RELN: variants seen among roughly 807,000 people sequenced by gnomAD.
The protein encoded by RELN is reelin.
A neutral mutation model predicts 427.6 loss-of-function variants in RELN; 108 were observed. That is an observed-to-expected ratio of 0.25 (90% CI 0.22 to 0.30). RELN has a LOEUF of 0.30. RELN is among the 10% of genes least tolerant of loss of function. RELN has a pLI of 1.00. For missense variants in RELN, 3,715 were observed against 4,302.8 expected (o/e 0.86, Z 3.82); for synonymous variants, 1,524 against 1,513.4 (o/e 1.01, Z -0.16).
At chr7:103,865,739 G>A (rs1794182857) in intron 2 of RELN, among the ~76,000 whole-genome samples, 1 of 152,022 alleles carries the variant, frequency 6.6e-6, no homozygotes, top group South Asian at 2.1e-4. Context: ...CGTACAGAAG[G>A]AATTTACCTC....
chr7:103,816,262 C>T (rs1584263560), intron 3 of RELN, among the ~76,000 whole-genome samples: 2 of 152,072 alleles, frequency 1.3e-5, no homozygotes, highest in Admixed American at 6.6e-5. Context: ...ACCTGTAATC[C>T]CAGCTACTCA....
At chr7:103,683,300 T>C (rs776515208) in intron 10 of RELN, among the ~76,000 whole-genome samples, 3 of 152,180 alleles carry the variant, frequency 2.0e-5, no homozygotes, top group African/African-American at 7.2e-5. Context: ...GTGCCTGGCA[T>C]ATAGCAGGCA....
Position 103,500,733 on chromosome 7 carries a change from C to CTTTA in RELN, c.8667+8_8667+11dup. ...TGTGAGTAATGCGTCTTGTCCAGGG[C>CTTTA]TTTACCCTTACCTTCAGAGTGTGGG... On this transcript the variant is annotated intron_variant, in intron 53 of 64. Transcript: ENST00000428762. 1 of 1,613,502 alleles carries CTTTA rather than the reference C, an allele frequency of 6.2e-7. No homozygotes were observed.
intron 3 of RELN, among the ~76,000 whole-genome samples, chr7:103,792,440 T>C (rs1483061859): frequency 6.6e-6 from 1 of 151,716 alleles, no homozygotes; most frequent in Non-Finnish European, 1.5e-5. Context: ...ACCTTGAAAA[T>C]ATGCAAAGTG....
At chr7:103,914,412 T>A (rs926149957) in intron 2 of RELN, among the ~76,000 whole-genome samples, 9 of 152,088 alleles carry the variant, frequency 5.9e-5, no homozygotes, top group Admixed American at 3.3e-4. Context: ...CCTCAAGTCA[T>A]CTCAACCTAT....
intron 8 of RELN, among the ~76,000 whole-genome samples, chr7:103,715,049 T>A (rs756841822): frequency 6.6e-6 from 1 of 152,200 alleles, no homozygotes; most frequent in Admixed American, 6.5e-5. Context: ...AATTAAACAA[T>A]TATTTGGATA....
At chr7:103,489,093 A>T (rs1210351219) in intron 60 of RELN, among the ~76,000 whole-genome samples, 2 of 152,212 alleles carry the variant, frequency 1.3e-5, no homozygotes, top group African/African-American at 2.4e-5. Context: ...ACAGACCAAC[A>T]GAGCAATTTC....
At chr7:103,630,466 TG>T (rs1245453605) in intron 19 of RELN, among the ~76,000 whole-genome samples, 2 of 152,190 alleles carry the variant, frequency 1.3e-5, no homozygotes, top group African/African-American at 2.4e-5. Context: ...TTGGACAGCT[TG>T]TTACACATAT....
chr7:103,974,984 A>G (rs982102078), intron 1 of RELN, among the ~76,000 whole-genome samples: 15 of 152,310 alleles, frequency 9.8e-5, no homozygotes, highest in Admixed American at 9.8e-4. Flanking sequence ...GCTAACATAT[A>G]GTTAAAGTAA....
At chr7:103,731,446 TACAA>T (rs1790351601) in intron 6 of RELN, among the ~76,000 whole-genome samples, 1 of 152,092 alleles carries the variant, frequency 6.6e-6, no homozygotes, top group Non-Finnish European at 1.5e-5. Flanking sequence ...ACAGAAGCTC[TACAA>T]ACAATGCCCC....
At chr7:103,867,191 T>G (rs1372990793) in intron 2 of RELN, among the ~76,000 whole-genome samples, 1 of 150,406 alleles carries the variant, frequency 6.6e-6, no homozygotes, top group East Asian at 2.0e-4. Context: ...GTGTGGATCT[T>G]GTTACAAAGT....
chr7:103,859,285 T>C (rs1046036206), intron 2 of RELN, among the ~76,000 whole-genome samples: 4 of 152,298 alleles, frequency 2.6e-5, no homozygotes, highest in African/African-American at 9.6e-5. Context: ...AAAGGTTTCA[T>C]ATTTATTTTA....
At chr7:103,853,048 C>A (rs560556571) in intron 2 of RELN, among the ~76,000 whole-genome samples, 2 of 152,094 alleles carry the variant, frequency 1.3e-5, no homozygotes, top group Non-Finnish European at 2.9e-5. Flanking sequence ...TAATTTGGAT[C>A]AGAAAACTGA....
chr7:103,820,031 A>AT (rs1792975553), intron 3 of RELN, among the ~76,000 whole-genome samples: 1 of 152,018 alleles, frequency 6.6e-6, no homozygotes, highest in Admixed American at 6.6e-5. Context: ...CATTTACAAA[A>AT]TATACAATAA....
intron 11 of RELN, among the ~76,000 whole-genome samples, chr7:103,675,421 A>C (rs1480503722): frequency 4.6e-5 from 7 of 152,224 alleles, no homozygotes; most frequent in Non-Finnish European, 1.0e-4. Context: ...TTCCATGCTC[A>C]TGGATAGGAA....
intron 46 of RELN, among the ~76,000 whole-genome samples, chr7:103,526,812 C>A (rs1829831852): frequency 6.6e-6 from 1 of 152,112 alleles, no homozygotes; most frequent in Non-Finnish European, 1.5e-5. Context: ...TTACCAAGAA[C>A]TACGAGTGTC....
At chr7:103,601,672 G>T (rs940414064) in intron 24 of RELN, among the ~76,000 whole-genome samples, 1 of 152,158 alleles carries the variant, frequency 6.6e-6, no homozygotes, top group Non-Finnish European at 1.5e-5. Context: ...TACTGGACCT[G>T]CTGTCTTTTT....
At chr7:103,746,277 T>G (rs1316741542) in intron 6 of RELN, among the ~76,000 whole-genome samples, 1 of 152,212 alleles carries the variant, frequency 6.6e-6, no homozygotes, top group Non-Finnish European at 1.5e-5. Flanking sequence ...CAAGATGGAT[T>G]AAAGACTTAA....
chr7:103,909,811 ATAT>A (rs1795320349), intron 2 of RELN, among the ~76,000 whole-genome samples: 3 of 49,226 alleles, frequency 6.1e-5, no homozygotes, highest in Non-Finnish European at 1.0e-4. Context: ...TTAATATATA[ATAT>A]TATATATAAA....
Sources: gnomAD v4.1 joint callset for allele counts (sites outside exome capture counted in the v4.1 genomes callset) on GRCh38, gnomAD v4.1.1 for gene constraint, MANE v1.5 for transcripts, NCBI Gene and HGNC (gene_info 2026-07-23, HGNC 2026-07-21) for gene names.